The following PLCB1 variants were observed in gnomAD, a reference collection of about 807,000 sequenced individuals.
PLCB1 encodes phospholipase C beta 1.
PLCB1 carries 46 observed loss-of-function variants against 161.8 expected under a neutral mutation model. The observed-to-expected ratio is 0.28, with a 90% CI of 0.22 to 0.36. The LOEUF (loss-of-function observed/expected upper bound fraction) is 0.36, where lower values mean the gene tolerates loss of function less well. PLCB1 is among the 10% of genes least tolerant of loss of function. The probability of loss-of-function intolerance (pLI) is 1.00; values close to 1 mark genes in which losing one functional copy is unlikely to be tolerated. For synonymous variants in PLCB1, 517 were observed against 503.7 expected (o/e 1.03, Z -0.35); for missense variants, 1,016 against 1,472.5 (o/e 0.69, Z 5.07).
intron 3 of PLCB1, among the ~76,000 whole-genome samples, chr20:8,550,861 C>T (rs1985750852): frequency 6.6e-6 from 1 of 152,094 alleles, no homozygotes; most frequent in South Asian, 2.1e-4. Context: ...CTCTTGTACC[C>T]TCTCTCTCTT....
intron 2 of PLCB1, among the ~76,000 whole-genome samples, chr20:8,246,173 C>T (rs1325555700): frequency 1.3e-5 from 2 of 151,848 alleles, no homozygotes; most frequent in African/African-American, 4.8e-5. Flanking sequence ...TATTTTTGTG[C>T]AAAAGCCATC....
At chr20:8,431,441 C>A (rs1257275444) in intron 3 of PLCB1, among the ~76,000 whole-genome samples, 3 of 152,122 alleles carry the variant, frequency 2.0e-5, no homozygotes, top group Non-Finnish European at 4.4e-5. Context: ...TTCTTTCGGA[C>A]AAAATGTATC....
chr20:8,474,978 T>C (rs1982208759), intron 3 of PLCB1, among the ~76,000 whole-genome samples: 1 of 151,266 alleles, frequency 6.6e-6, no homozygotes, highest in African/African-American at 2.4e-5. Context: ...AGTAACAATA[T>C]ACACTAGTCA....
At chr20:8,295,174 A>G (rs1201047671) in intron 2 of PLCB1, among the ~76,000 whole-genome samples, 1 of 152,168 alleles carries the variant, frequency 6.6e-6, no homozygotes. Flanking sequence ...GTGTGTAGAC[A>G]AAACGATGTG....
intron 3 of PLCB1, among the ~76,000 whole-genome samples, chr20:8,472,701 C>A (rs1373998028): frequency 6.6e-6 from 1 of 151,934 alleles, no homozygotes; most frequent in Non-Finnish European, 1.5e-5. Flanking sequence ...TTATCTTCGT[C>A]ATTGAGATGT....
chr20:8,280,672 C>T (rs959962622), intron 2 of PLCB1, among the ~76,000 whole-genome samples: 1 of 152,166 alleles, frequency 6.6e-6, no homozygotes, highest in East Asian at 1.9e-4. Flanking sequence ...CAGAATCCAA[C>T]ATTCAGTACT....
chr20:8,520,891 A>T (rs1984320447), intron 3 of PLCB1, among the ~76,000 whole-genome samples: 1 of 152,128 alleles, frequency 6.6e-6, no homozygotes. Flanking sequence ...ACACTGTGGG[A>T]AGTAAGCTAA....
chr20:8,179,951 CG>C (rs1174303411), intron 2 of PLCB1, among the ~76,000 whole-genome samples: 2 of 146,070 alleles, frequency 1.4e-5, no homozygotes, highest in Non-Finnish European at 3.0e-5. Flanking sequence ...CTCCGCCTCC[CG>C]GGTTCGCACC....
intron 1 of PLCB1, among the ~76,000 whole-genome samples, chr20:8,136,454 C>A (rs556242318): frequency 6.6e-6 from 1 of 151,714 alleles, no homozygotes; most frequent in African/African-American, 2.4e-5. Context: ...GTGAAACCCC[C>A]TCTCTACTAA....
In PLCB1 at chr20:8,812,973, TC is replaced by T. The variant is rs887543300; in HGVS notation, c.3423+22715del. Among the ~76,000 whole-genome samples, 44 of 152,286 alleles carry T rather than the reference TC, an allele frequency of 2.9e-4. 1 individual carries two copies. Among genetic ancestry groups the T allele is most frequent in the African/African-American group, 1.1e-3 (44 of 41,564 alleles). On this transcript the variant is annotated intron_variant, in intron 31 of 31. Transcript: ENST00000338037. ...CGCTGTGACTTAAATTATAGCCATT[TC>T]CCGAGCAGGCAGCCCAGGGACTGTG...
At chr20:8,319,734 A>AG (rs11480123) in intron 2 of PLCB1, among the ~76,000 whole-genome samples, 151,245 of 151,246 alleles carry the variant, frequency 1, 75,622 homozygotes, top group Non-Finnish European at 1. Flanking sequence ...GACCCCATGG[A>AG]GGTGCATTAC....
chr20:8,385,408 TAGAG>T (rs1411852003), intron 3 of PLCB1, among the ~76,000 whole-genome samples: 1 of 152,088 alleles, frequency 6.6e-6, no homozygotes, highest in Non-Finnish European at 1.5e-5. Context: ...CCTGGAGCTG[TAGAG>T]ATGGATGCTG....
chr20:8,498,641 T>G (rs960474823), intron 3 of PLCB1, among the ~76,000 whole-genome samples: 4 of 152,170 alleles, frequency 2.6e-5, no homozygotes, highest in African/African-American at 9.7e-5. Flanking sequence ...GATGCCATAA[T>G]AGTGACTAAC....
rs140557358 is a variant in PLCB1 at position 8,351,902 on chromosome 20, T to C, written c.178-19480T>C. On this transcript the variant is annotated intron_variant, in intron 2 of 31. Transcript: ENST00000338037. ...ATTCATTACTAATGGGGTTGCAAAA[T>C]GGGTATAATGAAATATAATACAGTT... Among the ~76,000 whole-genome samples the C allele has an allele frequency of 2.0e-5, 3 of 152,190 alleles. No homozygotes were observed. In the East Asian group the frequency reaches 5.8e-4, roughly 29 times the overall value.
intron 9 of PLCB1, among the ~76,000 whole-genome samples, chr20:8,666,552 G>A (rs868434892): frequency 3.3e-5 from 5 of 152,206 alleles, no homozygotes; most frequent in Admixed American, 6.5e-5. Context: ...AAAGGACTTA[G>A]CCATTTAGCT....
intron 31 of PLCB1, among the ~76,000 whole-genome samples, chr20:8,877,732 A>C (rs1041973775): frequency 6.6e-6 from 1 of 152,236 alleles, no homozygotes; most frequent in Non-Finnish European, 1.5e-5. Flanking sequence ...ACAAGTATTT[A>C]GTTTATAAGA....
chr20:8,732,985 A>G (rs1225223206), intron 18 of PLCB1, among the ~76,000 whole-genome samples: 1 of 151,470 alleles, frequency 6.6e-6, no homozygotes, highest in African/African-American at 2.4e-5. Flanking sequence ...AATGAAATCA[A>G]TATACTGTAT....
chr20:8,333,385 C>T (rs939308295), intron 2 of PLCB1, among the ~76,000 whole-genome samples: 6 of 152,152 alleles, frequency 3.9e-5, no homozygotes, highest in Non-Finnish European at 1.5e-5. Flanking sequence ...CCATGAATGT[C>T]CAGCTTTTTA....
At chr20:8,258,161 T>C (rs944400872) in intron 2 of PLCB1, among the ~76,000 whole-genome samples, 1 of 152,178 alleles carries the variant, frequency 6.6e-6, no homozygotes, top group African/African-American at 2.4e-5. Flanking sequence ...AAAGAGTACG[T>C]GAAGCCTAAG....
Sources: gnomAD v4.1 joint callset for allele counts (sites outside exome capture counted in the v4.1 genomes callset) on GRCh38, gnomAD v4.1.1 for gene constraint, MANE v1.5 for transcripts, NCBI Gene and HGNC (gene_info 2026-07-23, HGNC 2026-07-21) for gene names.